Variants in ACIN1 observed in about 807,000 individuals in gnomAD.
ACIN1 encodes the protein apoptotic chromatin condensation inducer in the nucleus.
Under a neutral mutation model 146.6 loss-of-function variants are expected in ACIN1, and 16 were observed. That is an observed-to-expected ratio of 0.11 (90% CI 0.07 to 0.17). ACIN1 has a LOEUF of 0.17. ACIN1 is among the 10% of genes least tolerant of loss of function. The pLI is 1.00. For synonymous variants in ACIN1, 569 were observed against 582.7 expected (o/e 0.98, Z 0.34); for missense variants, 1,357 against 1,609.3 (o/e 0.84, Z 2.68).
rs780066145 is a variant in ACIN1, at chr14:23,080,563, G to T, written c.772C>A (p.Pro258Thr). 8 of 1,613,742 alleles carry T rather than the reference G, an allele frequency of 5.0e-6. No homozygotes were observed. The highest frequency in any genetic ancestry group is 5.9e-6 in the Non-Finnish European group (7 of 1,179,974). Reference sequence around the variant, plus strand: ...GGTCTCTCATCCATCATCTCCTCTGGTTTTACTCTAGGTATCTCTTCCCCT... The same window carrying T: ...GGTCTCTCATCCATCATCTCCTCTGTTTTTACTCTAGGTATCTCTTCCCCT... ...EEGEEIPRVKPEEMMDERPKT... is the reference protein window; with the variant it reads ...EEGEEIPRVKTEEMMDERPKT... Residue 258 changes from proline to threonine, a missense_variant, in exon 6 of 19, where the codon CCA becomes ACA. Pro to Thr is a conservative substitution (Grantham distance 38). This residue lies in a region of ACIN1 where 771 missense variants were observed against 746.6 expected (regional missense o/e 1.03). Transcript: ENST00000605057.
chr14:23,087,830 A>C (rs1024784078), intron 4 of ACIN1, among the ~76,000 whole-genome samples: 1 of 152,208 alleles, frequency 6.6e-6, no homozygotes, highest in African/African-American at 2.4e-5. Flanking sequence ...TGGCTAGATT[A>C]GTCTACTACC....
chr14:23,069,209 A>T, intron 9 of ACIN1: 1 of 1,167,228 alleles, frequency 8.6e-7, no homozygotes, highest in Non-Finnish European at 1.1e-6. Flanking sequence ...AAGGGCCATT[A>T]TCAGACTTTC....
rs777451840 is a variant in ACIN1 at position 23,080,742 on chromosome 14, G to A, written c.593C>T (p.Ser198Phe). The change falls in exon 6 of 19, where the codon TCC becomes TTC. Residue 198 changes from serine (S) to phenylalanine (F), a missense_variant. Transcript: ENST00000605057. ...AEEEEDQETP[S>F]RNLRVRADRN... ...ATCTGCTCTGACCCTTAGGTTTCTG[G>A]AAGGTGTTTCTTGATCCTCTTCCTC... The A allele has an allele frequency of 6.2e-7, 1 of 1,613,670 alleles. No homozygotes were observed. The highest frequency in any genetic ancestry group is 8.5e-7 in the Non-Finnish European group (1 of 1,179,844).
At position 23,068,157 on chromosome 14, in the gene ACIN1, G is replaced by A; in HGVS notation, c.2265+1319C>T. The A allele has an allele frequency of 1.0e-6, 1 of 985,950 alleles. No individual in the cohort carries two copies. The highest frequency in any genetic ancestry group is 4.7e-5 in the South Asian group (1 of 21,282). 61.1% of individuals were successfully genotyped at this position (985,950 alleles called of 1,614,324 possible). A position where few individuals can be genotyped will look rare whatever the true frequency, so the allele number is the denominator to read the frequency against. On this transcript the variant is annotated intron_variant, in intron 9 of 18. Coordinates refer to ENST00000605057, the MANE Select transcript of ACIN1 (RefSeq NM_001386863.1). The surrounding 1 kb of genome is among the most constrained non-coding windows in gnomAD (Gnocchi z 4.3). ...TAAATCCCCAGGGGCTCAGACCCTAGACTCCTCTGCACGGTTCCTAGTCGT... is the reference window on the plus strand; with the variant it reads ...TAAATCCCCAGGGGCTCAGACCCTAAACTCCTCTGCACGGTTCCTAGTCGT...
chr14:23,080,269 TCTC>T lies in ACIN1; in HGVS notation c.1063_1065del (p.Glu355del). Reference sequence around the variant, plus strand: ...TCCTTTGTTAGTAAAGGTGGAGGAGTCTCCTCCTCGCTGGCAGTTTGCTCTGGC... The same window carrying T: ...TCCTTTGTTAGTAAAGGTGGAGGAGTCTCCTCGCTGGCAGTTTGCTCTGGC... On this transcript the variant is annotated inframe_deletion, in exon 6 of 19. Coordinates refer to ENST00000605057, the MANE Select transcript of ACIN1 (RefSeq NM_001386863.1). The T allele has an allele frequency of 1.9e-6, 3 of 1,613,914 alleles. No individual in the cohort carries two copies. Among genetic ancestry groups the T allele is most frequent in the Non-Finnish European group, 2.5e-6 (3 of 1,179,956 alleles).
At position 23,058,884 on chromosome 14, in the gene ACIN1, C is replaced by G. The variant is rs2047177889; in HGVS notation, c.*264G>C. On this transcript the variant is annotated 3_prime_UTR_variant, in exon 19 of 19. Transcript: ENST00000605057. ...GCACCTGGCTGTTCCCCATCTCTGG[C>G]CAACCACCTCCTTGCCTAACCTAGC... is the stretch of plus-strand genomic sequence containing the variant. 3 of 511,060 alleles carry G rather than the reference C, an allele frequency of 5.9e-6. No homozygotes were observed. In the East Asian group the frequency reaches 9.2e-5, roughly 16 times the overall value. The allele number at this position is 511,060 out of a possible 1,614,324, so 31.7% of individuals were successfully genotyped here. A position where few individuals can be genotyped will look rare whatever the true frequency, so the allele number is the denominator to read the frequency against.
At position 23,080,063 on chromosome 14, in the gene ACIN1, A is replaced by G; in HGVS notation, c.1272T>C (p.Ser424=). The change falls in exon 6 of 19, where the codon AGT becomes AGC. Residue 424 remains serine, a synonymous_variant. Coordinates refer to ENST00000605057, the MANE Select transcript of ACIN1 (RefSeq NM_001386863.1). ...QLVGGLSPLS[S]PSDTKAESPA... is the part of the protein sequence containing the mutation. ...GAGATTCTGCTTTGGTGTCTGAAGGACTTGACAAAGGAGACAGGCCTCCTA... is the reference window on the plus strand; with the variant it reads ...GAGATTCTGCTTTGGTGTCTGAAGGGCTTGACAAAGGAGACAGGCCTCCTA... 6.2e-7 allele frequency: 1 copy of G among 1,614,100 alleles called. No individual in the cohort carries two copies.
At chr14:23,083,295 C>T (rs2047997940) in intron 4 of ACIN1, among the ~76,000 whole-genome samples, 1 of 151,900 alleles carries the variant, frequency 6.6e-6, no homozygotes, top group Admixed American at 6.6e-5. Flanking sequence ...GCCTCAGCCT[C>T]CAGGGCTCAA....
chr14:23,095,435 T>A (rs1293384705), upstream of ACIN1: 9 of 1,137,602 alleles, frequency 7.9e-6, no homozygotes, highest in Non-Finnish European at 7.3e-6. Context: ...AGATGTTCGT[T>A]TATTTCCGGA....
chr14:23,087,931 C>T (rs2048129083), intron 4 of ACIN1, among the ~76,000 whole-genome samples: 1 of 152,218 alleles, frequency 6.6e-6, no homozygotes, highest in Non-Finnish European at 1.5e-5. Context: ...CAAACCATTT[C>T]TAAGGCTCAG....
At chr14:23,079,077 T>C in intron 6 of ACIN1, 39 bp from the exon 7 acceptor site, 1 of 1,566,344 alleles carries the variant, frequency 6.4e-7, no homozygotes. Flanking sequence ...AAAATTATTG[T>C]ATATGGTATA....
intron 14 of ACIN1, 164 bp downstream of exon 14, chr14:23,062,765 C>G: frequency 1.0e-6 from 1 of 981,308 alleles, no homozygotes; most frequent in Non-Finnish European, 1.5e-6. Flanking sequence ...GCTTTTCCCC[C>G]TCATTTTTAG....
At chr14:23,060,860 T>G (rs1378685979) in intron 18 of ACIN1, among the ~76,000 whole-genome samples, 1 of 152,240 alleles carries the variant, frequency 6.6e-6, no homozygotes, top group African/African-American at 2.4e-5. Context: ...TTCCCAGACA[T>G]CCACAAACTT....
Position 23,068,760 on chromosome 14 carries a change from C to T in ACIN1, c.2265+716G>A. 1.0e-6 allele frequency: 1 copy of T among 985,514 alleles called. No individual in the cohort carries two copies. Among genetic ancestry groups the T allele is most frequent in the Non-Finnish European group, 1.2e-6 (1 of 829,994 alleles). The allele number at this position is 985,514 out of a possible 1,614,324, so 61.0% of individuals were successfully genotyped here. A position where few individuals can be genotyped will look rare whatever the true frequency, so the allele number is the denominator to read the frequency against. On this transcript the variant is annotated intron_variant, in intron 9 of 18. Transcript: ENST00000605057. This position sits in a 1 kb window ranked among gnomAD's most constrained non-coding sequence, Gnocchi z 4.3. ...CTTTCACCGGCCCCCACCCCCGCAA[C>T]ACACACCAGAAAAAGGCTACACACA...
rs758616692 is a variant in ACIN1, at chr14:23,067,647, T to C, written c.2266-1639A>G. 3.0e-6 allele frequency: 3 copies of C among 985,762 alleles called. No individual in the cohort carries two copies. The highest frequency in any genetic ancestry group is 3.6e-6 in the Non-Finnish European group (3 of 829,970). 61.1% of individuals were successfully genotyped at this position (985,762 alleles called of 1,614,324 possible). A position where few individuals can be genotyped will look rare whatever the true frequency, so the allele number is the denominator to read the frequency against. ...GCCCTGAAGGGACATCATCTTGCAG[T>C]CCCTGATGAGATGGCCTGTGAGTAG... On this transcript the variant is annotated intron_variant, in intron 9 of 18. Coordinates refer to ENST00000605057, the MANE Select transcript of ACIN1 (RefSeq NM_001386863.1). The surrounding 1 kb of genome is among the most constrained non-coding windows in gnomAD (Gnocchi z 4.6).
chr14:23,073,964 G>A (rs112814278), intron 8 of ACIN1, among the ~76,000 whole-genome samples: 2 of 149,640 alleles, frequency 1.3e-5, no homozygotes, highest in African/African-American at 4.9e-5. Flanking sequence ...TCAGCCTCCC[G>A]AGCAGCTGGG....
At chr14:23,076,317 C>A (rs1373436572) in intron 8 of ACIN1, among the ~76,000 whole-genome samples, 1 of 152,184 alleles carries the variant, frequency 6.6e-6, no homozygotes, top group Non-Finnish European at 1.5e-5. Flanking sequence ...GTGAAGACTG[C>A]ATTTCCCTTC....
chr14:23,066,225 AAAACT>A lies in ACIN1; in HGVS notation c.2266-222_2266-218del, dbSNP rs1175827844. 1.4e-5 allele frequency: 7 copies of A among 512,002 alleles called. No homozygotes were observed. The African/African-American group carries it at 1.4e-4, about 10-fold the overall frequency. 31.7% of individuals were successfully genotyped at this position (512,002 alleles called of 1,614,324 possible). On this transcript the variant is annotated intron_variant, in intron 9 of 18. Transcript: ENST00000605057. ...ATCAATGCAAGTTAGAGAAAAAAAT[AAAACT>A]AAACATCAGAGCAGGGAAAAGTCAT... is the stretch of plus-strand genomic sequence containing the variant.
At chr14:23,091,326 T>C (rs2048220225) in intron 2 of ACIN1, among the ~76,000 whole-genome samples, 1 of 152,044 alleles carries the variant, frequency 6.6e-6, no homozygotes, top group Non-Finnish European at 1.5e-5. Context: ...GACTGAAACA[T>C]GGGGGCTCAC....
Sources: allele counts gnomAD v4.1 joint callset (sites outside exome capture counted in the v4.1 genomes callset), GRCh38; gene constraint gnomAD v4.1.1; regional missense constraint gnomAD v4.1.1; non-coding constraint Gnocchi (gnomAD v3.1); transcripts MANE v1.5; gene names NCBI Gene and HGNC (gene_info 2026-07-23, HGNC 2026-07-21).